The following SLC8A1 variants were observed in gnomAD, a reference collection of about 807,000 sequenced individuals.
The protein encoded by SLC8A1 is solute carrier family 8 member A1, also known as sodium/calcium exchanger 1.
Under a neutral mutation model 68.3 loss-of-function variants are expected in SLC8A1, and 18 were observed. That is an observed-to-expected ratio of 0.26 (90% CI 0.18 to 0.39). SLC8A1 has a LOEUF of 0.39. Among genes scored for constraint, SLC8A1 ranks in the 10% least tolerant of loss-of-function variants. The probability of loss-of-function intolerance (pLI) is 1.00; values close to 1 mark genes in which losing one functional copy is unlikely to be tolerated. For synonymous variants in SLC8A1, 475 were observed against 415.5 expected (o/e 1.14, Z -1.74); for missense variants, 985 against 1,156.7 (o/e 0.85, Z 2.15).
At chr2:40,177,201 T>C (rs2048631755) in intron 3 of SLC8A1, among the ~76,000 whole-genome samples, 1 of 152,200 alleles carries the variant, frequency 6.6e-6, no homozygotes, top group Admixed American at 6.5e-5. Flanking sequence ...CACTAGAATA[T>C]TGAAAATACT....
intron 2 of SLC8A1, among the ~76,000 whole-genome samples, chr2:40,263,207 C>A (rs1252551828): frequency 6.6e-6 from 1 of 152,224 alleles, no homozygotes; most frequent in Non-Finnish European, 1.5e-5. Context: ...CCTTTCCAAG[C>A]CTCAGCTTCA....
intron 4 of SLC8A1, among the ~76,000 whole-genome samples, chr2:40,171,535 A>G (rs1309639492): frequency 2.0e-5 from 3 of 152,202 alleles, no homozygotes; most frequent in Non-Finnish European, 4.4e-5. Flanking sequence ...GGAAGTCATA[A>G]TGATGGAATT....
rs192041787 is a variant in SLC8A1 at position 40,397,258 on chromosome 2, T to G, written c.1808+31215A>C. Among the ~76,000 whole-genome samples, 6 of 152,330 alleles carry G rather than the reference T, an allele frequency of 3.9e-5. No homozygotes were observed. In the East Asian group the frequency reaches 5.8e-4, roughly 15 times the overall value. ...ACTGTCAGCTGCTAGTGTATACATG[T>G]CATGAGCTAATGTGCCCATTGATGG... On this transcript the variant is annotated intron_variant, in intron 2 of 7. Transcript: ENST00000406785.
chr2:40,216,654 G>A (rs563539167), intron 2 of SLC8A1, among the ~76,000 whole-genome samples: 65 of 151,950 alleles, frequency 4.3e-4, no homozygotes, highest in Non-Finnish European at 6.9e-4. Context: ...CCATTGTGTC[G>A]CCAGTCTCTA....
chr2:40,422,210 ACTT>A (rs1258267429), intron 2 of SLC8A1, among the ~76,000 whole-genome samples: 1 of 152,180 alleles, frequency 6.6e-6, no homozygotes. Context: ...GCAAGGCTAA[ACTT>A]CTGAGTTTCA....
At chr2:40,269,589 T>C (rs1026505212) in intron 2 of SLC8A1, among the ~76,000 whole-genome samples, 4 of 152,130 alleles carry the variant, frequency 2.6e-5, no homozygotes, top group African/African-American at 9.7e-5. Context: ...CATTACATGA[T>C]GAATCTTAAA....
chr2:40,165,563 A>T (rs449783), intron 4 of SLC8A1, among the ~76,000 whole-genome samples: 21,637 of 152,088 alleles, frequency 0.14, 2,145 homozygotes, highest in African/African-American at 0.26. Flanking sequence ...TTTCTGTGAG[A>T]CGCTTGGGCT....
chr2:40,166,169 C>CAAAG (rs2046519104), intron 4 of SLC8A1, among the ~76,000 whole-genome samples: 1 of 152,134 alleles, frequency 6.6e-6, no homozygotes. Flanking sequence ...CCATTACCTC[C>CAAAG]AAAGACCCAT....
intron 3 of SLC8A1, among the ~76,000 whole-genome samples, 179 bp from the exon 4 acceptor site, chr2:40,175,460 C>G (rs543568677): frequency 6.6e-6 from 1 of 152,112 alleles, no homozygotes; most frequent in East Asian, 1.9e-4. Flanking sequence ...AATAAACAAT[C>G]CCAACTGAAA....
At chr2:40,232,580 T>C (rs1301916999) in intron 2 of SLC8A1, among the ~76,000 whole-genome samples, 1 of 149,418 alleles carries the variant, frequency 6.7e-6, no homozygotes, top group Non-Finnish European at 1.5e-5. Flanking sequence ...TTTCCATTAC[T>C]GTCCAACTTT....
intron 2 of SLC8A1, among the ~76,000 whole-genome samples, chr2:40,336,238 T>A (rs1665934189): frequency 1.3e-5 from 2 of 152,220 alleles, no homozygotes; most frequent in Non-Finnish European, 2.9e-5. Context: ...TATTGCATTG[T>A]AATTGCCTGT....
chr2:40,436,862 C>T (rs915577640), intron 1 of SLC8A1, among the ~76,000 whole-genome samples: 2 of 152,058 alleles, frequency 1.3e-5, no homozygotes, highest in African/African-American at 4.8e-5. Context: ...TAATCTTGGG[C>T]TCCATGTGAA....
At chr2:40,193,454 T>C (rs1394317421) in intron 2 of SLC8A1, among the ~76,000 whole-genome samples, 2 of 152,042 alleles carry the variant, frequency 1.3e-5, no homozygotes, top group African/African-American at 2.4e-5. Flanking sequence ...ATTGTAAATA[T>C]GGGCTCTGTG....
chr2:40,199,764 T>C (rs384791), intron 2 of SLC8A1, among the ~76,000 whole-genome samples: 38,279 of 151,486 alleles, frequency 0.25, 5,160 homozygotes, highest in African/African-American at 0.32. Context: ...TACATGATAA[T>C]TGATCACTTC....
intron 2 of SLC8A1, among the ~76,000 whole-genome samples, chr2:40,228,064 ATTAT>A (rs1302965419): frequency 9.9e-5 from 15 of 152,270 alleles, no homozygotes; most frequent in African/African-American, 3.6e-4. Flanking sequence ...TTCTAATGCA[ATTAT>A]TTATTTAATT....
At chr2:40,103,630 A>G (rs533190059) in exon 8 of SLC8A1, 2 of 152,314 alleles carry the variant, frequency 1.3e-5, no homozygotes. Context: ...AAGAAACTGT[A>G]TGAACTTAAA....
intron 2 of SLC8A1, among the ~76,000 whole-genome samples, chr2:40,324,769 T>C (rs2149352402): frequency 6.6e-6 from 1 of 152,260 alleles, no homozygotes; most frequent in Admixed American, 6.5e-5. Context: ...CTACTTTTGA[T>C]TCCCCACAAA....
intron 2 of SLC8A1, among the ~76,000 whole-genome samples, chr2:40,215,514 G>C (rs2148806381): frequency 6.6e-6 from 1 of 151,990 alleles, no homozygotes; most frequent in East Asian, 1.9e-4. Flanking sequence ...GCGGGCGCCT[G>C]TAGTCCCAGC....
intron 1 of SLC8A1, among the ~76,000 whole-genome samples, chr2:40,482,005 T>C (rs1418483983): frequency 2.0e-5 from 3 of 152,210 alleles, no homozygotes; most frequent in African/African-American, 4.8e-5. Flanking sequence ...AACAGAGATT[T>C]GTAGAACCTG....
Sources: allele counts gnomAD v4.1 joint callset (sites outside exome capture counted in the v4.1 genomes callset), GRCh38; gene constraint gnomAD v4.1.1; transcripts MANE v1.5; gene names NCBI Gene and HGNC (gene_info 2026-07-23, HGNC 2026-07-21).